PRKCH: variants seen among roughly 807,000 people sequenced by gnomAD.
PRKCH encodes protein kinase C eta.
Under a neutral mutation model 82.5 loss-of-function variants are expected in PRKCH, and 28 were observed. That is an observed-to-expected ratio of 0.34 (90% CI 0.25 to 0.47). The LOEUF is 0.47. PRKCH is among the 20% of genes least tolerant of loss of function. The pLI, the probability that PRKCH is intolerant of heterozygous loss-of-function variation, is 1.00. For synonymous variants in PRKCH, 322 were observed against 327.4 expected, an observed-to-expected ratio of 0.98 and a Z score of 0.18; for missense variants, 705 against 881.8, an observed-to-expected ratio of 0.80 and a Z score of 2.54.
At chr14:61,547,941 C>T (rs1171959773) in intron 13 of PRKCH, 55 bp downstream of exon 13, 4 of 1,584,584 alleles carry the variant, frequency 2.5e-6, no homozygotes, top group African/African-American at 1.3e-5. Context: ...TCACAGCATT[C>T]CACCAAAGTC....
intron 1 of PRKCH, among the ~76,000 whole-genome samples, chr14:61,223,944 A>G (rs2044675084): frequency 6.6e-6 from 1 of 152,194 alleles, no homozygotes. Context: ...ATTTTGCCTA[A>G]TAAGTCTCCT....
At chr14:61,205,168 C>T (rs891878477) in intron 1 of PRKCH, among the ~76,000 whole-genome samples, 1 of 152,200 alleles carries the variant, frequency 6.6e-6, no homozygotes, top group Non-Finnish European at 1.5e-5. Context: ...AGGAAAGCAA[C>T]TCGTCCGTGA....
At chr14:61,240,732 T>A (rs374170322) in intron 1 of PRKCH, among the ~76,000 whole-genome samples, 47 of 151,896 alleles carry the variant, frequency 3.1e-4, no homozygotes, top group African/African-American at 1.1e-3. Context: ...CACCTGAGAA[T>A]CATATTTATC....
At chr14:61,320,001 T>G (rs1289009930), upstream of PRKCH, among the ~76,000 whole-genome samples, 1 of 152,174 alleles carries the variant, frequency 6.6e-6, no homozygotes, top group Non-Finnish European at 1.5e-5. Context: ...TAGAAAGTTC[T>G]GAACAGGGCC....
chr14:61,204,572 T>C (rs1053407015), intron 1 of PRKCH, among the ~76,000 whole-genome samples: 11 of 151,828 alleles, frequency 7.2e-5, no homozygotes, highest in African/African-American at 2.7e-4. Flanking sequence ...CTGGGCAATA[T>C]AGGGAGACCA....
At chr14:61,451,024 A>T (rs1884487126) in intron 6 of PRKCH, 53 bp downstream of exon 6, 2 of 1,577,516 alleles carry the variant, frequency 1.3e-6, no homozygotes, top group Admixed American at 1.8e-5. Context: ...ACTATGCCCT[A>T]AGCTTTCAGA....
intron 1 of PRKCH, among the ~76,000 whole-genome samples, chr14:61,210,716 G>A (rs1468809265): frequency 1.3e-5 from 2 of 151,506 alleles, no homozygotes; most frequent in Non-Finnish European, 1.5e-5. Flanking sequence ...AAATGTATAG[G>A]GGTCCCAAGT....
chr14:61,300,272 G>A (rs1336533488), intron 1 of PRKCH, among the ~76,000 whole-genome samples: 1 of 152,128 alleles, frequency 6.6e-6, no homozygotes, highest in Admixed American at 6.6e-5. Context: ...ACATGTAACA[G>A]GAAGGGAATC....
At chr14:61,413,631 A>G (rs1882401458) in intron 2 of PRKCH, among the ~76,000 whole-genome samples, 2 of 150,592 alleles carry the variant, frequency 1.3e-5, no homozygotes, top group South Asian at 2.1e-4. Context: ...CCTTTCTTTA[A>G]CTTCTCCATT....
intron 1 of PRKCH, among the ~76,000 whole-genome samples, chr14:61,315,753 A>T (rs372559749): frequency 7.0e-6 from 1 of 143,264 alleles, no homozygotes. Context: ...TATTTACTGG[A>T]TTTTTTTTTT....
intron 2 of PRKCH, among the ~76,000 whole-genome samples, chr14:61,413,105 C>A (rs548926182): frequency 7.2e-5 from 11 of 152,152 alleles, no homozygotes; most frequent in Non-Finnish European, 1.3e-4. Context: ...TTCTTTCCCC[C>A]CTTTGCAGCC....
At chr14:61,309,846 T>G (rs1331761439) in intron 1 of PRKCH, among the ~76,000 whole-genome samples, 1 of 152,178 alleles carries the variant, frequency 6.6e-6, no homozygotes, top group African/African-American at 2.4e-5. Context: ...AAAAGATGTT[T>G]AATTGACTCG....
At chr14:61,234,632 C>T (rs1172584694) in intron 1 of PRKCH, among the ~76,000 whole-genome samples, 1 of 152,232 alleles carries the variant, frequency 6.6e-6, no homozygotes, top group Non-Finnish European at 1.5e-5. Flanking sequence ...AGAAGGATAA[C>T]TCTCTGCCCA....
intron 1 of PRKCH, among the ~76,000 whole-genome samples, chr14:61,351,859 T>C (rs1347476572): frequency 1.3e-5 from 2 of 152,134 alleles, no homozygotes; most frequent in Non-Finnish European, 2.9e-5. Context: ...TGCTTGACTA[T>C]AAAACTATAA....
At chr14:61,225,497 G>A (rs1439042440) in intron 1 of PRKCH, among the ~76,000 whole-genome samples, 1 of 152,316 alleles carries the variant, frequency 6.6e-6, no homozygotes, top group Middle Eastern at 3.4e-3. Flanking sequence ...AAGACACTGA[G>A]CGCAGAACAC....
At chr14:61,540,448 T>C (rs1206491776) in intron 12 of PRKCH, among the ~76,000 whole-genome samples, 3 of 152,206 alleles carry the variant, frequency 2.0e-5, no homozygotes, top group Non-Finnish European at 4.4e-5. Context: ...GCGTAGGGAC[T>C]GAGAGCAAAG....
intron 1 of PRKCH, chr14:61,278,089 C>T (rs1183972053): frequency 6.6e-6 from 1 of 152,094 alleles, no homozygotes; most frequent in Non-Finnish European, 1.5e-5. Context: ...TTCATAGTCT[C>T]ATTTAAAATT....
intron 1 of PRKCH, among the ~76,000 whole-genome samples, chr14:61,188,605 T>TG (rs2044384744): frequency 1.8e-5 from 1 of 55,218 alleles, no homozygotes; most frequent in Admixed American, 1.8e-4. Flanking sequence ...GGTGGGGGGG[T>TG]GGTGTGGTGT....
intron 12 of PRKCH, among the ~76,000 whole-genome samples, chr14:61,533,062 C>G (rs886191779): frequency 6.6e-6 from 1 of 152,192 alleles, no homozygotes; most frequent in Admixed American, 6.5e-5. Flanking sequence ...AGTCCTGTTA[C>G]CTTCTGGCTG....
Sources: allele counts gnomAD v4.1 joint callset (sites outside exome capture counted in the v4.1 genomes callset), GRCh38; gene constraint gnomAD v4.1.1; transcripts MANE v1.5; gene names NCBI Gene and HGNC (gene_info 2026-07-23, HGNC 2026-07-21).